TRPV1: variants seen among roughly 807,000 people sequenced by gnomAD.
TRPV1 encodes the protein transient receptor potential cation channel subfamily V member 1.
Under a neutral mutation model 82.3 loss-of-function variants are expected in TRPV1, and 82 were observed. The observed-to-expected ratio is 1.00, with a 90% CI of 0.83 to 1.20. The LOEUF is 1.20. Ranked by LOEUF, TRPV1 falls within the 50% of genes most tolerant of loss-of-function variation. TRPV1 has a pLI of 0.00. For missense variants in TRPV1, 1,067 were observed against 1,096.8 expected (o/e 0.97, Z 0.38); for synonymous variants, 515 against 467.7 (o/e 1.10, Z -1.30).
intron 8 of TRPV1, 65 bp downstream of exon 8, chr17:3,588,123 G>A (rs1375971033): frequency 2.6e-6 from 4 of 1,511,162 alleles, no homozygotes; most frequent in African/African-American, 1.4e-5. Context: ...CTGGACCAGG[G>A]GCTGGGATTG....
intron 16 of TRPV1, among the ~76,000 whole-genome samples, chr17:3,571,136 A>G (rs2074846716): frequency 6.6e-6 from 1 of 152,196 alleles, no homozygotes; most frequent in African/African-American, 2.4e-5. Context: ...GTGTCCGCAC[A>G]GCCTCTCAGA....
chr17:3,603,196 C>T (rs2075276543), intron 2 of TRPV1, among the ~76,000 whole-genome samples: 1 of 152,158 alleles, frequency 6.6e-6, no homozygotes, highest in African/African-American at 2.4e-5. Flanking sequence ...GTTCCTGTCA[C>T]CGGGTGCCCA....
chr17:3,596,461 G>A (rs555296732), intron 2 of TRPV1, among the ~76,000 whole-genome samples: 2 of 152,304 alleles, frequency 1.3e-5, no homozygotes, highest in South Asian at 2.1e-4. Flanking sequence ...CCAACCCAGG[G>A]GTGAAGAACA....
chr17:3,586,106 C>T (rs1050928027), intron 8 of TRPV1, among the ~76,000 whole-genome samples, 180 bp from the exon 9 acceptor site: 4 of 152,244 alleles, frequency 2.6e-5, no homozygotes, highest in Non-Finnish European at 2.9e-5. Flanking sequence ...CCAGCACTGC[C>T]GCGGCTCACG....
At chr17:3,574,186 C>T (rs762112471) in intron 13 of TRPV1, among the ~76,000 whole-genome samples, 6 of 152,144 alleles carry the variant, frequency 3.9e-5, no homozygotes, top group Non-Finnish European at 8.8e-5. Flanking sequence ...AATGTGAATA[C>T]AGCCACCTTT....
chr17:3,593,581 A>G (rs1458340157), intron 2 of TRPV1, among the ~76,000 whole-genome samples: 2 of 151,948 alleles, frequency 1.3e-5, no homozygotes, highest in East Asian at 3.9e-4. Context: ...CCCTTGCACA[A>G]GTCCTATCAC....
At chr17:3,568,680 T>G (rs1426161743) in intron 16 of TRPV1, among the ~76,000 whole-genome samples, 2 of 152,052 alleles carry the variant, frequency 1.3e-5, no homozygotes, top group East Asian at 3.9e-4. Flanking sequence ...AGATAGGACA[T>G]CAGGCAGTGA....
intron 11 of TRPV1, among the ~76,000 whole-genome samples, chr17:3,579,503 T>G (rs560339536): frequency 6.6e-6 from 1 of 152,254 alleles, no homozygotes; most frequent in African/African-American, 2.4e-5. Context: ...AGAGATGGAA[T>G]CTCGCTCTGT....
In TRPV1 at chr17:3,592,295, T is replaced by C. The variant is rs200433212; in HGVS notation, c.56A>G (p.Asp19Gly). 1.3e-4 allele frequency: 211 copies of C among 1,602,778 alleles called. 1 individual carries two copies. In the African/African-American group the frequency reaches 2.6e-3, roughly 20 times the overall value. The change falls in exon 3 of 17, where the codon GAC becomes GGC. Residue 19 changes from aspartate to glycine, a missense_variant. Asp to Gly is a moderately conservative substitution (Grantham distance 94, BLOSUM62 -1). Coordinates refer to ENST00000572705, the MANE Select transcript of TRPV1 (RefSeq NM_080704.4). Reference protein sequence around the residue: ...LGAAADPLQKDTCPDPLDGDP... With the variant: ...LGAAADPLQKGTCPDPLDGDP... ...TCCATCCAGGGGGTCTGGGCAGGTG[T>C]CCTTTTGGAGTGGGTCCGCAGCTGC...
chr17:3,567,867 C>G (rs949386672), intron 16 of TRPV1, among the ~76,000 whole-genome samples: 3 of 152,080 alleles, frequency 2.0e-5, no homozygotes, highest in Non-Finnish European at 2.9e-5. Flanking sequence ...GGTGTGTATA[C>G]CCCTGCCACT....
chr17:3,571,814 C>T (rs1373277227), intron 15 of TRPV1, among the ~76,000 whole-genome samples, 175 bp from the exon 16 acceptor site: 1 of 152,182 alleles, frequency 6.6e-6, no homozygotes, highest in African/African-American at 2.4e-5. Flanking sequence ...GATCTCTGAG[C>T]ACACTGTGAG....
chr17:3,575,952 C>T (rs903290756), intron 13 of TRPV1, among the ~76,000 whole-genome samples: 1 of 151,994 alleles, frequency 6.6e-6, no homozygotes, highest in Non-Finnish European at 1.5e-5. Flanking sequence ...TAAGGTCAGG[C>T]GCGGTGGCTC....
intron 2 of TRPV1, among the ~76,000 whole-genome samples, chr17:3,607,735 C>T (rs891409763): frequency 6.6e-6 from 1 of 151,850 alleles, no homozygotes; most frequent in Non-Finnish European, 1.5e-5. Flanking sequence ...CGAGTTTTCA[C>T]CACGTTGGCC....
At chr17:3,588,022 G>A (rs546877984) in intron 8 of TRPV1, among the ~76,000 whole-genome samples, 166 bp downstream of exon 8, 19 of 152,282 alleles carry the variant, frequency 1.2e-4, no homozygotes, top group South Asian at 8.3e-4. Flanking sequence ...CTATGCTTAG[G>A]GAAAATTCAG....
chr17:3,571,037 A>G (rs1197337800), intron 16 of TRPV1, among the ~76,000 whole-genome samples: 1 of 152,068 alleles, frequency 6.6e-6, no homozygotes, highest in African/African-American at 2.4e-5. Context: ...TTTTCTGCTC[A>G]AGGCATCCCC....
Position 3,581,191 on chromosome 17 carries a change from C to G in TRPV1, c.1477-664G>C, listed in dbSNP as rs561214628. On this transcript the variant is annotated intron_variant, in intron 10 of 16. Coordinates refer to ENST00000572705, the MANE Select transcript of TRPV1 (RefSeq NM_080704.4). ...GAGATCAGAGTCTCACTATGTTGCC[C>G]AAGCTGGTCTCAAACTCCTGGCCTC... 8.0e-4 allele frequency among the ~76,000 whole-genome samples: 121 copies of G among 152,072 alleles called. 3 individuals carry two copies. In the South Asian group the frequency reaches 0.024, roughly 30 times the overall value.
Position 3,566,944 on chromosome 17 carries a change from TA to T in TRPV1, c.2390del (p.Leu797Ter), listed in dbSNP as rs546309673. 2.2e-5 allele frequency: 36 copies of T among 1,613,860 alleles called. No homozygotes were observed. In the African/African-American group the frequency reaches 4.5e-4, roughly 20 times the overall value. On this transcript the variant is annotated frameshift_variant, in exon 17 of 17. Transcript: ENST00000572705. LOFTEE classifies it high-confidence loss of function. ...HWKNFALVPL[L>X]REASARDRQS... ...GCCTATCTCGAGCACTTGCCTCTCT[TA>T]AAAGGGGGACCAGGGCAAAGTTCTT...
chr17:3,588,813 T>TAAAA (rs3837859), intron 7 of TRPV1: 960 of 902,368 alleles, frequency 1.1e-3, no homozygotes, highest in Non-Finnish European at 1.2e-3. Context: ...AAACCTCATC[T>TAAAA]AAAAAAAAAA....
chr17:3,601,081 G>C (rs112721194), intron 2 of TRPV1, among the ~76,000 whole-genome samples: 2,520 of 151,142 alleles, frequency 0.017, 56 homozygotes, highest in East Asian at 0.071. Context: ...CTCCCCTCCC[G>C]CTCCCTGCAG....
Sources: gnomAD v4.1 joint callset for allele counts (sites outside exome capture counted in the v4.1 genomes callset) on GRCh38, gnomAD v4.1.1 for gene constraint, MANE v1.5 for transcripts, NCBI Gene and HGNC (gene_info 2026-07-23, HGNC 2026-07-21) for gene names.